ITGA1: variants seen among roughly 807,000 people sequenced by gnomAD.
The protein encoded by ITGA1 is integrin alpha-1.
Under a neutral mutation model 145.9 loss-of-function variants are expected in ITGA1, and 85 were observed. The observed-to-expected ratio is 0.58, with a 90% CI of 0.49 to 0.70. The LOEUF (loss-of-function observed/expected upper bound fraction) is 0.70. Among genes scored for constraint, ITGA1 ranks in the 30% least tolerant of loss-of-function variants. The pLI is 0.00. For synonymous variants in ITGA1, 520 were observed against 495.3 expected (o/e 1.05, Z -0.66); for missense variants, 1,351 against 1,418.7 (o/e 0.95, Z 0.77).
At chr5:52,885,309 A>C (rs1434880356) in intron 7 of ITGA1, among the ~76,000 whole-genome samples, 1 of 152,162 alleles carries the variant, frequency 6.6e-6, no homozygotes, top group East Asian at 1.9e-4. Context: ...TGAACGTTTC[A>C]AGCTTCTGAT....
intron 1 of ITGA1, among the ~76,000 whole-genome samples, chr5:52,799,596 C>A (rs17209816): frequency 1.3e-5 from 2 of 152,198 alleles, no homozygotes; most frequent in African/African-American, 4.8e-5. Flanking sequence ...GGTAACTAGG[C>A]GCAGAAAACA....
intron 1 of ITGA1, among the ~76,000 whole-genome samples, chr5:52,804,959 T>G (rs1486968592): frequency 6.6e-6 from 1 of 152,056 alleles, no homozygotes; most frequent in African/African-American, 2.4e-5. Context: ...TTAAGAGTAA[T>G]ATATTTAATT....
chr5:52,887,420 G>A (rs1003937693), intron 7 of ITGA1, among the ~76,000 whole-genome samples: 3 of 152,144 alleles, frequency 2.0e-5, no homozygotes, highest in Admixed American at 6.6e-5. Flanking sequence ...TCTGCTAGAC[G>A]CAGAAGAAAA....
chr5:52,904,192 CATACAAATGTAA>C (rs1440781385), intron 11 of ITGA1: 3 of 152,228 alleles, frequency 2.0e-5, no homozygotes, highest in Non-Finnish European at 4.4e-5. Context: ...GTTGCACATG[CATACAAATGTAA>C]AAAGCAGTGC....
At chr5:52,800,795 G>A (rs1748460308) in intron 1 of ITGA1, 2 of 1,613,076 alleles carry the variant, frequency 1.2e-6, no homozygotes, top group African/African-American at 1.3e-5. Context: ...CCAGCCTGGA[G>A]CGCTGATGTG....
At chr5:52,911,110 A>T (rs552534697) in intron 14 of ITGA1, among the ~76,000 whole-genome samples, 3 of 133,438 alleles carry the variant, frequency 2.2e-5, no homozygotes, top group Non-Finnish European at 3.1e-5. Context: ...GTGTATATAT[A>T]GTATATAGTG....
At chr5:52,820,731 T>C (rs145946707) in intron 1 of ITGA1, among the ~76,000 whole-genome samples, 55 of 152,294 alleles carry the variant, frequency 3.6e-4, no homozygotes, top group Non-Finnish European at 4.3e-4. Flanking sequence ...AGAAAAACTT[T>C]TGAAGCATTT....
At position 52,941,770 on chromosome 5, in the gene ITGA1, CTTTAG is replaced by C. The variant is rs1179298713; in HGVS notation, c.3285+1831_3285+1835del. On this transcript the variant is annotated intron_variant, in intron 26 of 28. Transcript: ENST00000282588. ...TAATGTCTTTTGTTGTGCAGAAGCT[CTTTAG>C]TTTAATTAGATCCCACTTGTCAATT... is the stretch of plus-strand genomic sequence containing the variant. Among the ~76,000 whole-genome samples, 6 of 152,212 alleles carry C rather than the reference CTTTAG, an allele frequency of 3.9e-5. 1 individual carries two copies. Among genetic ancestry groups the C allele is most frequent in the African/African-American group, 1.4e-4 (6 of 41,554 alleles).
chr5:52,920,272 A>T, intron 16 of ITGA1, 60 bp from the exon 17 acceptor site: 2 of 1,314,866 alleles, frequency 1.5e-6, no homozygotes, highest in Non-Finnish European at 2.1e-6. Flanking sequence ...AATAATCTGT[A>T]CAATATGAGA....
In ITGA1 at chr5:52,953,635, C is replaced by G. The variant is rs575409932; in HGVS notation, c.*1184C>G. On this transcript the variant is annotated 3_prime_UTR_variant, in exon 29 of 29. Transcript: ENST00000282588. ...TTAAAGAATTTCAGGTTTGAAAACT[C>G]AAACCAACAGGAAGATATCACACCT... 6.6e-6 allele frequency: 1 copy of G among 152,282 alleles called. No individual in the cohort carries two copies. Among genetic ancestry groups the G allele is most frequent in the South Asian group, 2.1e-4 (1 of 4,830 alleles). The allele number at this position is 152,282 out of a possible 1,614,324, so 9.4% of individuals were successfully genotyped here.
At chr5:52,846,060 T>C (rs541792148) in intron 1 of ITGA1, among the ~76,000 whole-genome samples, 22 of 152,242 alleles carry the variant, frequency 1.4e-4, no homozygotes, top group African/African-American at 4.3e-4. Context: ...TCTTCTAGGC[T>C]ACAGACCTCT....
In ITGA1 at chr5:52,897,549, A is replaced by T. The variant is rs1369180903; in HGVS notation, c.1164+21A>T. ...CACAGGTATGTTGACCAGTTGGTGA[A>T]AAATGAAATATATGTTTGCAAGACT... On this transcript the variant is annotated intron_variant, in intron 10 of 28. Transcript: ENST00000282588. The T allele has an allele frequency of 1.9e-6, 3 of 1,590,288 alleles. No homozygotes were observed. The East Asian group carries it at 6.7e-5, about 36-fold the overall frequency.
chr5:52,801,304 A>C, intron 1 of ITGA1: 1 of 1,147,516 alleles, frequency 8.7e-7, no homozygotes, highest in Non-Finnish European at 1.2e-6. Flanking sequence ...AACTTCGCTG[A>C]AACATATGAA....
At chr5:52,919,193 C>G (rs1750694837) in intron 16 of ITGA1, among the ~76,000 whole-genome samples, 1 of 152,188 alleles carries the variant, frequency 6.6e-6, no homozygotes, top group Non-Finnish European at 1.5e-5. Context: ...GAAAAAAATA[C>G]CGATTCAGAG....
chr5:52,862,513 C>T (rs982313273), intron 3 of ITGA1, among the ~76,000 whole-genome samples: 2 of 152,118 alleles, frequency 1.3e-5, no homozygotes, highest in Non-Finnish European at 2.9e-5. Flanking sequence ...ACTTTTAACT[C>T]TCTGCATTTT....
intron 1 of ITGA1, among the ~76,000 whole-genome samples, chr5:52,848,510 G>A (rs1030588652): frequency 1.3e-5 from 2 of 151,966 alleles, no homozygotes; most frequent in Non-Finnish European, 2.9e-5. Context: ...AATTAGTATG[G>A]AATTTTTTTG....
chr5:52,914,351 G>A (rs1750609398), intron 14 of ITGA1, among the ~76,000 whole-genome samples: 1 of 151,950 alleles, frequency 6.6e-6, no homozygotes, highest in East Asian at 1.9e-4. Flanking sequence ...AAAAAATGAG[G>A]AGGATTGCTG....
chr5:52,942,791 T>G (rs1172559346), intron 26 of ITGA1, among the ~76,000 whole-genome samples: 2 of 151,500 alleles, frequency 1.3e-5, no homozygotes, highest in Admixed American at 6.6e-5. Context: ...TCTGCCCACC[T>G]CAGCCTCCCA....
chr5:52,907,483 G>T (rs1315984077), intron 12 of ITGA1, among the ~76,000 whole-genome samples: 2 of 152,148 alleles, frequency 1.3e-5, no homozygotes, highest in African/African-American at 4.8e-5. Flanking sequence ...GCATATGAAA[G>T]TTGAGGAGAG....
Sources: allele counts gnomAD v4.1 joint callset (sites outside exome capture counted in the v4.1 genomes callset), GRCh38; gene constraint gnomAD v4.1.1; transcripts MANE v1.5; gene names NCBI Gene and HGNC (gene_info 2026-07-23, HGNC 2026-07-21).